The following DDX21 variants were observed in gnomAD, a reference collection of about 807,000 sequenced individuals.
The protein encoded by DDX21 is DExD-box helicase 21, also known as nucleolar RNA helicase 2.
In DDX21, 18 loss-of-function variants were observed where a neutral mutation model predicts 90.0. The observed-to-expected ratio is 0.20, with a 90% CI of 0.14 to 0.30. The LOEUF (loss-of-function observed/expected upper bound fraction) is 0.30, where lower values mean the gene tolerates loss of function less well. Ranked by LOEUF, DDX21 falls within the 10% of genes least tolerant of loss-of-function variation. The pLI, the probability that DDX21 is intolerant of heterozygous loss-of-function variation, is 1.00. For missense variants in DDX21, 673 were observed against 944.5 expected, an observed-to-expected ratio of 0.71 and a Z score of 3.77; for synonymous variants, 294 against 318.0, an observed-to-expected ratio of 0.92 and a Z score of 0.80.
chr10:68,960,840 T>G (rs768374308), intron 2 of DDX21, among the ~76,000 whole-genome samples: 9 of 152,162 alleles, frequency 5.9e-5, no homozygotes, highest in Non-Finnish European at 1.0e-4. Context: ...CAGATACTGC[T>G]TAAGCTTAGG....
chr10:68,960,265 A>G lies in DDX21; in HGVS notation c.531+16A>G. On this transcript the variant is annotated intron_variant, in intron 2 of 14. Coordinates refer to ENST00000354185, the MANE Select transcript of DDX21 (RefSeq NM_004728.4). ...GATAGAGCAGGTACATTTGCACTTC[A>G]TTGGGTAGAAGATATCTTTCATTGT... 2.5e-6 allele frequency: 4 copies of G among 1,580,044 alleles called. No homozygotes were observed. Among genetic ancestry groups the G allele is most frequent in the African/African-American group, 1.4e-5 (1 of 73,178 alleles).
chr10:68,970,819 ATT>A (rs1385475354), intron 8 of DDX21, among the ~76,000 whole-genome samples: 1 of 151,692 alleles, frequency 6.6e-6, no homozygotes. Flanking sequence ...TGCCCAGCTA[ATT>A]TTTGTATTTT....
At chr10:68,968,165 G>A (rs1371763846) in intron 6 of DDX21, among the ~76,000 whole-genome samples, 3 of 152,110 alleles carry the variant, frequency 2.0e-5, no homozygotes, top group East Asian at 1.9e-4. Flanking sequence ...GTGCTCTACC[G>A]CGGCCGCCCT....
intron 8 of DDX21, 93 bp downstream of exon 8, chr10:68,970,443 G>T (rs1230095238): frequency 2.5e-6 from 3 of 1,187,548 alleles, no homozygotes; most frequent in Admixed American, 3.0e-5. Context: ...CATTCATTCA[G>T]TGAATACCAG....
chr10:68,971,663 G>T (rs1843029795), intron 8 of DDX21, among the ~76,000 whole-genome samples: 1 of 152,164 alleles, frequency 6.6e-6, no homozygotes, highest in Non-Finnish European at 1.5e-5. Context: ...GATCACTCTT[G>T]TCTCATTCTC....
At chr10:68,967,247 G>T in intron 6 of DDX21, 44 bp downstream of exon 6, 1 of 1,577,420 alleles carries the variant, frequency 6.3e-7, no homozygotes, top group South Asian at 1.2e-5. Context: ...ACCAAAGGAA[G>T]GGTGGTAACT....
In DDX21 at chr10:68,982,792, A is replaced by G; in HGVS notation, c.2332A>G (p.Ser778Gly). The G allele has an allele frequency of 6.2e-7, 1 of 1,614,222 alleles. No homozygotes were observed. Among genetic ancestry groups the G allele is most frequent in the Non-Finnish European group, 8.5e-7 (1 of 1,180,034 alleles). Residue 778 changes from serine to glycine, a missense_variant, in exon 15 of 15, where the codon AGT becomes GGT. By Grantham distance (56) the Ser-to-Gly change is moderately conservative. Coordinates refer to ENST00000354185, the MANE Select transcript of DDX21 (RefSeq NM_004728.4). The part of the protein sequence containing the change: ...SQNKGQKRSF[S>G]KAFGQ Reference sequence around the variant, plus strand: ...AAACAAAGGCCAGAAGCGGAGTTTCAGTAAAGCATTTGGTCAATAATTAGA... The same window carrying G: ...AAACAAAGGCCAGAAGCGGAGTTTCGGTAAAGCATTTGGTCAATAATTAGA...
At chr10:68,974,927 AAAGTGCT>A (rs1238341028) in intron 11 of DDX21, among the ~76,000 whole-genome samples, 184 bp downstream of exon 11, 5 of 152,202 alleles carry the variant, frequency 3.3e-5, no homozygotes, top group Non-Finnish European at 1.5e-5. Context: ...TCAGCCTCCC[AAAGTGCT>A]AAGATTACAG....
In DDX21 at chr10:68,965,430, C is replaced by G. The variant is rs780705116; in HGVS notation, c.840C>G (p.Phe280Leu). ...RELANQVSKD[F>L]SDITKKLSVA... is the part of the protein sequence containing the mutation. The stretch of plus-strand genomic sequence containing the variant: ...TGGCAAATCAAGTAAGCAAAGACTT[C>G]AGTGACATCACAAAAAAGCTGTCAG... The change falls in exon 5 of 15, where the codon TTC (phenylalanine) becomes TTG (leucine). Residue 280 changes from phenylalanine to leucine, a missense_variant. By Grantham distance (22) the Phe-to-Leu change is conservative (BLOSUM62 0). Transcript: ENST00000354185. 37 of 1,613,836 alleles carry G rather than the reference C, an allele frequency of 2.3e-5. No homozygotes were observed. Among genetic ancestry groups the G allele is most frequent in the Non-Finnish European group, 2.9e-5 (34 of 1,179,978 alleles).
At chr10:68,967,856 T>C (rs1842960831) in intron 6 of DDX21, among the ~76,000 whole-genome samples, 1 of 152,166 alleles carries the variant, frequency 6.6e-6, no homozygotes, top group Non-Finnish European at 1.5e-5. Flanking sequence ...GTTTAGCCAC[T>C]TTTATACAGA....
intron 4 of DDX21, among the ~76,000 whole-genome samples, chr10:68,964,403 G>A (rs781709300): frequency 7.2e-5 from 11 of 152,160 alleles, no homozygotes; most frequent in Non-Finnish European, 1.0e-4. Flanking sequence ...TGTATTAGGT[G>A]TTCTTGAATC....
chr10:68,957,970 C>T (rs1398857883), intron 1 of DDX21, among the ~76,000 whole-genome samples: 1 of 152,154 alleles, frequency 6.6e-6, no homozygotes, highest in Non-Finnish European at 1.5e-5. Flanking sequence ...GAGCCACAGT[C>T]ATCTGTCTTA....
chr10:68,958,691 C>T (rs1055665901), intron 1 of DDX21, among the ~76,000 whole-genome samples: 1 of 152,148 alleles, frequency 6.6e-6, no homozygotes, highest in African/African-American at 2.4e-5. Context: ...CCCTCCTTGG[C>T]CTCCCAAAGT....
At chr10:68,957,301 C>G (rs1382416915) in intron 1 of DDX21, among the ~76,000 whole-genome samples, 2 of 152,066 alleles carry the variant, frequency 1.3e-5, no homozygotes, top group African/African-American at 2.4e-5. Context: ...GAGTGTACAC[C>G]ATATTTTTTA....
chr10:68,969,931 C>T (rs892456301), intron 7 of DDX21, among the ~76,000 whole-genome samples: 7 of 152,052 alleles, frequency 4.6e-5, no homozygotes, highest in Admixed American at 3.3e-4. Context: ...CTGCATTTTC[C>T]TGGTTGTCAG....
intron 6 of DDX21, 52 bp from the exon 7 acceptor site, chr10:68,968,924 G>A: frequency 1.3e-6 from 2 of 1,595,822 alleles, no homozygotes; most frequent in Non-Finnish European, 1.7e-6. Flanking sequence ...GGAATACTAT[G>A]TAGGCTTGTT....
In DDX21 at chr10:68,982,693, A is replaced by G. The variant is rs1843209694; in HGVS notation, c.2233A>G (p.Arg745Gly). 3 of 1,614,014 alleles carry G rather than the reference A, an allele frequency of 1.9e-6. No homozygotes were observed. Among genetic ancestry groups the G allele is most frequent in the Non-Finnish European group, 2.5e-6 (3 of 1,180,020 alleles). Residue 745 changes from arginine (R) to glycine (G), a missense_variant, in exon 15 of 15, where the codon AGA (arginine) becomes GGA (glycine). Physicochemically the swap from Arg to Gly is moderately radical, Grantham distance 125 (BLOSUM62 -2). Coordinates refer to ENST00000354185, the MANE Select transcript of DDX21 (RefSeq NM_004728.4). ...RGQRDGNRRF[R>G]GQREGSRGPR... ...ACAGCGGGACGGAAACAGAAGATTC[A>G]GAGGACAGCGGGAAGGCAGTAGAGG...
At position 68,962,388 on chromosome 10, in the gene DDX21, GT is replaced by G. The variant is rs1479665291; in HGVS notation, c.607+232del. On this transcript the variant is annotated intron_variant, in intron 3 of 14. Coordinates refer to ENST00000354185, the MANE Select transcript of DDX21 (RefSeq NM_004728.4). ...AGGCCCTCTGTGGTGGCTCACACCT[GT>G]AATTGATTGAGGCCAGGAGTTTGAG... Among the ~76,000 whole-genome samples the G allele has an allele frequency of 6.6e-5, 10 of 152,298 alleles. No individual in the cohort carries two copies. In the South Asian group the frequency reaches 1.0e-3, roughly 16 times the overall value.
intron 4 of DDX21, among the ~76,000 whole-genome samples, chr10:68,964,941 A>C (rs1288979931): frequency 6.6e-6 from 1 of 152,146 alleles, no homozygotes; most frequent in Non-Finnish European, 1.5e-5. Context: ...GCGCCTGGCC[A>C]GCAGTTTCAT....
Sources: gnomAD v4.1 joint callset for allele counts (sites outside exome capture counted in the v4.1 genomes callset) on GRCh38, gnomAD v4.1.1 for gene constraint, MANE v1.5 for transcripts, NCBI Gene and HGNC (gene_info 2026-07-23, HGNC 2026-07-21) for gene names.